Variants in KCNQ1 observed in about 807,000 individuals in gnomAD.
The protein encoded by KCNQ1 is potassium voltage-gated channel subfamily KQT member 1.
KCNQ1 carries 49 observed loss-of-function variants against 72.4 expected under a neutral mutation model. That is an observed-to-expected ratio of 0.68 (90% CI 0.54 to 0.86). The LOEUF (loss-of-function observed/expected upper bound fraction) is 0.86. KCNQ1 is among the 40% of genes least tolerant of loss of function. The pLI, the probability that KCNQ1 is intolerant of heterozygous loss-of-function variation, is 0.00. For synonymous variants in KCNQ1, 450 were observed against 412.6 expected (o/e 1.09, Z -1.10); for missense variants, 790 against 945.1 (o/e 0.84, Z 2.15).
In KCNQ1 at chr11:2,544,303, T is replaced by TAC. The variant is rs1847871419; in HGVS notation, c.477+16285_477+16286insAC. On this transcript the variant is annotated intron_variant, in intron 2 of 15. Transcript: ENST00000155840. This position sits in a 1 kb window ranked among gnomAD's most constrained non-coding sequence, Gnocchi z 4.4. ...ATGTGTATATATATATGTATATATGTGTATATATGTATATATCTATGTATA... is the reference window on the plus strand; with the variant it reads ...ATGTGTATATATATATGTATATATGTACGTATATATGTATATATCTATGTATA... Among the ~76,000 whole-genome samples the TAC allele has an allele frequency of 2.9e-5, 3 of 104,814 alleles. No individual in the cohort carries two copies. Among genetic ancestry groups the TAC allele is most frequent in the African/African-American group, 1.2e-4 (3 of 24,364 alleles). The allele number at this position is 104,814 out of a possible 152,430, so 68.8% of individuals were successfully genotyped here.
In KCNQ1 at chr11:2,617,547, G is replaced by T; in HGVS notation, c.1393+28693G>T. ...ATAGGAGCGCAGATATCTTTATGAG[G>T]TGGAGATTTCATTTTCTTTGGGAAT... On this transcript the variant is annotated intron_variant, in intron 10 of 15. Coordinates refer to ENST00000155840, the MANE Select transcript of KCNQ1 (RefSeq NM_000218.3). The surrounding 1 kb of genome is among the most constrained non-coding windows in gnomAD (Gnocchi z 4.6). 1 of 398,440 alleles carries T rather than the reference G, an allele frequency of 2.5e-6. No individual in the cohort carries two copies. The highest frequency in any genetic ancestry group is 4.4e-6 in the Non-Finnish European group (1 of 225,950). 24.7% of individuals were successfully genotyped at this position (398,440 alleles called of 1,614,324 possible).
intron 11 of KCNQ1, among the ~76,000 whole-genome samples, chr11:2,732,502 C>T (rs990049237): frequency 3.9e-5 from 6 of 152,216 alleles, no homozygotes; most frequent in Non-Finnish European, 8.8e-5. Flanking sequence ...CCTTCTCTCC[C>T]CGTGCCAAGG....
At position 2,509,884 on chromosome 11, in the gene KCNQ1, G is replaced by A. The variant is rs1197445097; in HGVS notation, c.387-18044G>A. 1.3e-5 allele frequency among the ~76,000 whole-genome samples: 2 copies of A among 152,198 alleles called. No individual in the cohort carries two copies. Among genetic ancestry groups the A allele is most frequent in the Non-Finnish European group, 2.9e-5 (2 of 68,042 alleles). On this transcript the variant is annotated intron_variant, in intron 1 of 15. Coordinates refer to ENST00000155840, the MANE Select transcript of KCNQ1 (RefSeq NM_000218.3). The surrounding 1 kb of genome is among the most constrained non-coding windows in gnomAD (Gnocchi z 6.3). ...CCTGGCTTGGGAAATGCCCATGGAG[G>A]TGACAAGTGACAGCCGGGAACAGAC...
rs370329812 is a variant in KCNQ1, at chr11:2,745,714, A to G, written c.1515-23130A>G. ...GGAGGCAGGGGCTTCCTCTGACACG[A>G]TACAGGGATTTGCTGACGGTTCCTT... On this transcript the variant is annotated intron_variant, in intron 11 of 15. Transcript: ENST00000155840. This position sits in a 1 kb window ranked among gnomAD's most constrained non-coding sequence, Gnocchi z 6.2. 1.4e-3 allele frequency among the ~76,000 whole-genome samples: 219 copies of G among 152,256 alleles called. No homozygotes were observed. Among genetic ancestry groups the G allele is most frequent in the African/African-American group, 5.2e-3 (215 of 41,568 alleles).
At chr11:2,649,079 T>C (rs1176981847) in intron 10 of KCNQ1, 9 of 394,806 alleles carry the variant, frequency 2.3e-5, no homozygotes, top group African/African-American at 1.9e-4. Context: ...TTTCTATCCA[T>C]TCCCTTACAG....
At chr11:2,542,429 C>G (rs1847843310) in intron 2 of KCNQ1, among the ~76,000 whole-genome samples, 1 of 152,256 alleles carries the variant, frequency 6.6e-6, no homozygotes, top group Admixed American at 6.5e-5. Context: ...TTTATTTATT[C>G]TGCTCACTCA....
intron 1 of KCNQ1, among the ~76,000 whole-genome samples, chr11:2,472,736 A>C (rs11604487): frequency 0.56 from 84,454 of 151,598 alleles, 24,612 homozygotes; most frequent in Non-Finnish European, 0.64. Flanking sequence ...GCCCATTGTC[A>C]GGCTCCTTCC....
Position 2,668,923 on chromosome 11 carries a change from T to C in KCNQ1, c.1514+6842T>C. The C allele has an allele frequency of 2.5e-6, 1 of 398,632 alleles. No individual in the cohort carries two copies. The highest frequency in any genetic ancestry group is 1.3e-4 in the South Asian group (1 of 7,862). The allele number at this position is 398,632 out of a possible 1,614,324, so 24.7% of individuals were successfully genotyped here. ...TGGTTTATTCTAAAGCTTTATTAGC[T>C]CACCTTTCCCATGTAGATCTGCACT... On this transcript the variant is annotated intron_variant, in intron 11 of 15. Coordinates refer to ENST00000155840, the MANE Select transcript of KCNQ1 (RefSeq NM_000218.3). This position sits in a 1 kb window ranked among gnomAD's most constrained non-coding sequence, Gnocchi z 4.3.
At chr11:2,842,234 T>C (rs2134087574) in intron 15 of KCNQ1, among the ~76,000 whole-genome samples, 1 of 152,266 alleles carries the variant, frequency 6.6e-6, no homozygotes, top group Non-Finnish European at 1.5e-5. Flanking sequence ...CTCGACTCTC[T>C]GGGCCAAGAC....
intron 1 of KCNQ1, chr11:2,521,347 T>C: frequency 8.5e-6 from 3 of 352,748 alleles, no homozygotes; most frequent in Non-Finnish European, 1.8e-5. Context: ...CTCTGGGCCT[T>C]TGCGCTTCTG....
At chr11:2,496,025 A>AT (rs1483609982) in intron 1 of KCNQ1, among the ~76,000 whole-genome samples, 2 of 152,248 alleles carry the variant, frequency 1.3e-5, no homozygotes, top group Non-Finnish European at 2.9e-5. Flanking sequence ...GTGCTCCTGT[A>AT]TTGGGTGCAT....
At chr11:2,666,113 C>T in intron 11 of KCNQ1, 1 of 398,728 alleles carries the variant, frequency 2.5e-6, no homozygotes, top group Non-Finnish European at 4.4e-6. Context: ...TGTGGTTTCT[C>T]TGAAGGGCCC....
chr11:2,620,135 A>G lies in KCNQ1; in HGVS notation c.1393+31281A>G. ...TATTTGGTTTTCTGTTCCTGCATTA[A>G]TTTGCTTAAGATAGTGGCCTCTAGC... On this transcript the variant is annotated intron_variant, in intron 10 of 15. Coordinates refer to ENST00000155840, the MANE Select transcript of KCNQ1 (RefSeq NM_000218.3). This position sits in a 1 kb window ranked among gnomAD's most constrained non-coding sequence, Gnocchi z 4.5. 1 of 397,458 alleles carries G rather than the reference A, an allele frequency of 2.5e-6. No homozygotes were observed. Among genetic ancestry groups the G allele is most frequent in the Non-Finnish European group, 4.4e-6 (1 of 225,796 alleles). The allele number at this position is 397,458 out of a possible 1,614,324, so 24.6% of individuals were successfully genotyped here. A position where few individuals can be genotyped will look rare whatever the true frequency, so the allele number is the denominator to read the frequency against.
intron 11 of KCNQ1, chr11:2,684,705 C>A (rs539789755): frequency 2.5e-6 from 1 of 398,556 alleles, no homozygotes; most frequent in Non-Finnish European, 4.4e-6. Flanking sequence ...CTTGCTCAGG[C>A]GGAGGGGCCT....
chr11:2,708,297 C>T (rs925110675), intron 11 of KCNQ1, among the ~76,000 whole-genome samples: 1 of 152,314 alleles, frequency 6.6e-6, no homozygotes, highest in South Asian at 2.1e-4. Context: ...CTGGTGTCTG[C>T]GGCCCGGGCC....
intron 10 of KCNQ1, chr11:2,648,464 CTG>C (rs1194820732): frequency 1.0e-5 from 4 of 398,220 alleles, no homozygotes; most frequent in African/African-American, 2.1e-5. Context: ...TTTTTGTATG[CTG>C]TGTTTCTATT....
In KCNQ1 at chr11:2,492,710, T is replaced by G. The variant is rs1240513469; in HGVS notation, c.387-35218T>G. Among the ~76,000 whole-genome samples, 1 of 152,206 alleles carries G rather than the reference T, an allele frequency of 6.6e-6. No homozygotes were observed. The highest frequency in any genetic ancestry group is 6.5e-5 in the Admixed American group (1 of 15,280). On this transcript the variant is annotated intron_variant, in intron 1 of 15. Transcript: ENST00000155840. The surrounding 1 kb of genome is among the most constrained non-coding windows in gnomAD (Gnocchi z 4.1). ...TTCTTTTTTTATGGCTGCATATTATTCCATGGTGTATATGTGCCACATTTT... is the reference window on the plus strand; with the variant it reads ...TTCTTTTTTTATGGCTGCATATTATGCCATGGTGTATATGTGCCACATTTT...
At position 2,687,684 on chromosome 11, in the gene KCNQ1, G is replaced by A. The variant is rs1034138216; in HGVS notation, c.1514+25603G>A. 1 of 398,596 alleles carries A rather than the reference G, an allele frequency of 2.5e-6. No homozygotes were observed. The highest frequency in any genetic ancestry group is 4.4e-6 in the Non-Finnish European group (1 of 226,160). 24.7% of individuals were successfully genotyped at this position (398,596 alleles called of 1,614,324 possible). On this transcript the variant is annotated intron_variant, in intron 11 of 15. Transcript: ENST00000155840. The surrounding 1 kb of genome is among the most constrained non-coding windows in gnomAD (Gnocchi z 5.0). ...GCCAGCCAGGTCTCAGGGAGCTCAGGGTTCAGTGTTGGAATGGGTCTGGGC... is the reference window on the plus strand; with the variant it reads ...GCCAGCCAGGTCTCAGGGAGCTCAGAGTTCAGTGTTGGAATGGGTCTGGGC...
intron 1 of KCNQ1, 74 bp from the exon 2 acceptor site, chr11:2,527,853 GC>G: frequency 7.4e-7 from 1 of 1,350,596 alleles, no homozygotes; most frequent in South Asian, 1.2e-5. Flanking sequence ...GAGGCCAGGG[GC>G]CCCTCCACTC....
Sources: gnomAD v4.1 joint callset for allele counts (sites outside exome capture counted in the v4.1 genomes callset) on GRCh38, gnomAD v4.1.1 for gene constraint, Gnocchi (gnomAD v3.1) non-coding constraint, MANE v1.5 for transcripts, NCBI Gene and HGNC (gene_info 2026-07-23, HGNC 2026-07-21) for gene names.